The following FNIP1 variants were observed in gnomAD, a reference collection of about 807,000 sequenced individuals.
FNIP1 encodes folliculin-interacting protein 1.
A neutral mutation model predicts 124.5 loss-of-function variants in FNIP1; 40 were observed. That is an observed-to-expected ratio of 0.32 (90% CI 0.25 to 0.42). The LOEUF is 0.42. FNIP1 is among the 10% of genes least tolerant of loss of function. The probability of loss-of-function intolerance (pLI) is 1.00; values close to 1 mark genes in which losing one functional copy is unlikely to be tolerated. For synonymous variants in FNIP1, 472 were observed against 470.6 expected, an observed-to-expected ratio of 1.00 and a Z score of -0.04; for missense variants, 1,176 against 1,403.7, an observed-to-expected ratio of 0.84 and a Z score of 2.59.
chr5:131,698,968 C>T lies in FNIP1; in HGVS notation c.1151G>A (p.Ser384Asn), dbSNP rs1486236153. The T allele has an allele frequency of 6.2e-7, 1 of 1,611,278 alleles. No individual in the cohort carries two copies. Among genetic ancestry groups the T allele is most frequent in the Non-Finnish European group, 8.5e-7 (1 of 1,179,108 alleles). The change falls in exon 11 of 18, where the codon AGT becomes AAT. Residue 384 changes from serine to asparagine, a missense_variant. Around this residue, in one of 2 missense-constraint regions of FNIP1, gnomAD observed 1,109 missense variants for 1,288.5 expected, o/e 0.86. Coordinates refer to ENST00000510461, the MANE Select transcript of FNIP1 (RefSeq NM_133372.3). ...TCGATTATATGCCAAACTTCTCTGA[C>T]TGGCATCAGCTGATCTCCGGCTCAT... ...MKMSRRSADA[S>N]QRSLAYNRIV...
intron 1 of FNIP1, among the ~76,000 whole-genome samples, chr5:131,767,077 G>A (rs181181991): frequency 7.5e-4 from 114 of 152,058 alleles, no homozygotes; most frequent in South Asian, 6.2e-3. Flanking sequence ...TAACCACTAC[G>A]GCTTATATCA....
intron 15 of FNIP1, among the ~76,000 whole-genome samples, chr5:131,657,251 C>T (rs186912900): frequency 6.6e-6 from 1 of 152,184 alleles, no homozygotes; most frequent in Admixed American, 6.5e-5. Context: ...ATCCACACAC[C>T]TCAGCCTCCT....
intron 11 of FNIP1, among the ~76,000 whole-genome samples, chr5:131,693,278 G>A (rs1768544381): frequency 2.0e-5 from 2 of 100,794 alleles, no homozygotes; most frequent in South Asian, 3.1e-4. Context: ...AAAAAAGCAT[G>A]GTAATAGCTA....
intron 2 of FNIP1, among the ~76,000 whole-genome samples, chr5:131,741,292 T>C (rs1770505787): frequency 6.6e-6 from 1 of 152,150 alleles, no homozygotes; most frequent in Admixed American, 6.5e-5. Flanking sequence ...ATAAAATATA[T>C]AACAGATCTG....
In FNIP1 at chr5:131,695,208, C is replaced by T. The variant is rs576469950; in HGVS notation, c.1202+3709G>A. The stretch of plus-strand genomic sequence containing the variant: ...GGAAGAGGGCTATATGAAAAAACTG[C>T]TATTTGCTCAATTTTTCTGTAAATC... On this transcript the variant is annotated intron_variant, in intron 11 of 17. Transcript: ENST00000510461. Among the ~76,000 whole-genome samples, 22 of 152,254 alleles carry T rather than the reference C, an allele frequency of 1.4e-4. No individual in the cohort carries two copies. The South Asian group carries it at 3.7e-3, about 26-fold the overall frequency.
intron 1 of FNIP1, among the ~76,000 whole-genome samples, chr5:131,779,751 A>G (rs1352339540): frequency 6.6e-6 from 1 of 151,714 alleles, no homozygotes; most frequent in African/African-American, 2.4e-5. Context: ...TTTAAAATAC[A>G]GTACCAACCA....
intron 2 of FNIP1, among the ~76,000 whole-genome samples, chr5:131,735,683 A>T (rs1770277379): frequency 6.7e-6 from 1 of 150,344 alleles, no homozygotes; most frequent in South Asian, 2.1e-4. Context: ...TAAAATATGT[A>T]TATTAGAAGA....
intron 3 of FNIP1, among the ~76,000 whole-genome samples, chr5:131,723,420 T>C (rs1298914467): frequency 6.6e-6 from 1 of 152,162 alleles, no homozygotes; most frequent in Non-Finnish European, 1.5e-5. Flanking sequence ...TATTAATAAA[T>C]TGCTATGTGA....
intron 1 of FNIP1, among the ~76,000 whole-genome samples, chr5:131,790,232 G>A (rs1419672228): frequency 1.3e-5 from 2 of 152,140 alleles, no homozygotes; most frequent in East Asian, 3.9e-4. Flanking sequence ...GACAGAAAAT[G>A]GGGAGAAGGT....
intron 11 of FNIP1, among the ~76,000 whole-genome samples, chr5:131,680,858 G>T (rs1054417129): frequency 6.6e-6 from 1 of 152,274 alleles, no homozygotes; most frequent in Middle Eastern, 3.4e-3. Flanking sequence ...CAAACATATG[G>T]TGGAATTGTG....
In FNIP1 at chr5:131,748,691, T is replaced by C. The variant is rs536862363; in HGVS notation, c.93-4001A>G. On this transcript the variant is annotated intron_variant, in intron 1 of 17. Coordinates refer to ENST00000510461, the MANE Select transcript of FNIP1 (RefSeq NM_133372.3). ...CAGCCTGGGCGACAGAGTGAGACTC[T>C]GTCTCAAAAAAAAAAAAGAAAAAAA... Among the ~76,000 whole-genome samples, 114 of 109,232 alleles carry C rather than the reference T, an allele frequency of 1.0e-3. 1 individual carries two copies. Among genetic ancestry groups the C allele is most frequent in the African/African-American group, 3.8e-3 (110 of 29,328 alleles). The allele number at this position is 109,232 out of a possible 152,430, so 71.7% of individuals were successfully genotyped here.
chr5:131,650,084 T>C (rs548450249), intron 16 of FNIP1, among the ~76,000 whole-genome samples: 9 of 152,316 alleles, frequency 5.9e-5, no homozygotes, highest in Admixed American at 5.2e-4. Flanking sequence ...TTTTTCAAGA[T>C]TGTTTTATCT....
intron 1 of FNIP1, among the ~76,000 whole-genome samples, chr5:131,784,488 A>C (rs570904341): frequency 1.3e-5 from 2 of 152,298 alleles, no homozygotes; most frequent in East Asian, 3.9e-4. Context: ...GGAAATAATA[A>C]ATAAATCAAT....
chr5:131,715,515 T>C (rs1769438119), intron 6 of FNIP1, among the ~76,000 whole-genome samples: 1 of 152,012 alleles, frequency 6.6e-6, no homozygotes, highest in Non-Finnish European at 1.5e-5. Context: ...AAAAAACCCA[T>C]AATTACTTTC....
At chr5:131,733,023 T>A (rs1770152533) in intron 2 of FNIP1, among the ~76,000 whole-genome samples, 1 of 152,124 alleles carries the variant, frequency 6.6e-6, no homozygotes, top group Non-Finnish European at 1.5e-5. Flanking sequence ...GGTTTGTAGT[T>A]CTCCTTGAAG....
chr5:131,699,082 T>G lies in FNIP1; in HGVS notation c.1117-80A>C, dbSNP rs1177740317. 2.8e-6 allele frequency: 3 copies of G among 1,075,606 alleles called. 1 individual carries two copies. Among genetic ancestry groups the G allele is most frequent in the Non-Finnish European group, 4.0e-6 (3 of 751,952 alleles). The allele number at this position is 1,075,606 out of a possible 1,614,324, so 66.6% of individuals were successfully genotyped here. ...GGAAAAAAGTCTTTTTTAGACAGAG[T>G]CACATATTTACACAACGCTCTATCA... On this transcript the variant is annotated intron_variant, in intron 10 of 17. Transcript: ENST00000510461.
intron 15 of FNIP1, among the ~76,000 whole-genome samples, chr5:131,655,681 T>G (rs1386343798): frequency 6.6e-6 from 1 of 150,636 alleles, no homozygotes; most frequent in East Asian, 1.9e-4. Context: ...ACAGCATATC[T>G]CAGTTAAAAA....
At chr5:131,721,887 G>C (rs538598536) in intron 3 of FNIP1, among the ~76,000 whole-genome samples, 2 of 152,280 alleles carry the variant, frequency 1.3e-5, no homozygotes, top group African/African-American at 4.8e-5. Flanking sequence ...TCAGACAATA[G>C]TTAAAGATTG....
chr5:131,791,997 C>T (rs1013209642), intron 1 of FNIP1, among the ~76,000 whole-genome samples: 1 of 152,134 alleles, frequency 6.6e-6, no homozygotes, highest in Admixed American at 6.5e-5. Flanking sequence ...ACTGATATAA[C>T]AGTAACAACT....
Sources: gnomAD v4.1 joint callset for allele counts (sites outside exome capture counted in the v4.1 genomes callset) on GRCh38, gnomAD v4.1.1 for gene constraint, gnomAD v4.1.1 regional missense constraint, MANE v1.5 for transcripts, NCBI Gene and HGNC (gene_info 2026-07-23, HGNC 2026-07-21) for gene names.